CD86: variants seen among roughly 807,000 people sequenced by gnomAD.
The protein encoded by CD86 is T-lymphocyte activation antigen CD86.
CD86 carries 11 observed loss-of-function variants against 32.1 expected under a neutral mutation model. That is an observed-to-expected ratio of 0.34 (90% CI 0.22 to 0.57). The LOEUF (loss-of-function observed/expected upper bound fraction) is 0.57. Ranked by LOEUF, CD86 falls within the 20% of genes least tolerant of loss-of-function variation. CD86 has a pLI of 0.86. For missense variants in CD86, 359 were observed against 398.4 expected (o/e 0.90, Z 0.84); for synonymous variants, 137 against 135.3 (o/e 1.01, Z -0.09).
Position 122,103,843 on chromosome 3 carries a change from G to A in CD86, c.396G>A (p.Val132=). 1 of 1,611,440 alleles carries A rather than the reference G, an allele frequency of 6.2e-7. No individual in the cohort carries two copies. Among genetic ancestry groups the A allele is most frequent in the Non-Finnish European group, 8.5e-7 (1 of 1,177,978 alleles). Residue 132 remains valine, a synonymous_variant, in exon 3 of 7, where the codon GTG becomes GTA. Transcript: ENST00000330540. Reference sequence around the variant, plus strand: ...ACCAGATGAATTCTGAACTGTCAGTGCTTGGTATGTGGTCAATGGTGTGTG... The same window carrying A: ...ACCAGATGAATTCTGAACTGTCAGTACTTGGTATGTGGTCAATGGTGTGTG... ...RIHQMNSELS[V]LANFSQPEIV...
intron 5 of CD86, 70 bp downstream of exon 5, chr3:122,109,478 C>A (rs1206411263): frequency 6.4e-7 from 1 of 1,568,718 alleles, no homozygotes; most frequent in African/African-American, 1.4e-5. Flanking sequence ...GGCTGCCTTC[C>A]GGAGCTTGTT....
At chr3:122,100,567 T>C (rs1234531579) in intron 2 of CD86, among the ~76,000 whole-genome samples, 1 of 152,138 alleles carries the variant, frequency 6.6e-6, no homozygotes, top group Admixed American at 6.5e-5. Flanking sequence ...CTTAAACATA[T>C]AAGATATGCA....
chr3:122,116,163 G>A (rs577406873), intron 5 of CD86, among the ~76,000 whole-genome samples: 1 of 152,268 alleles, frequency 6.6e-6, no homozygotes, highest in Non-Finnish European at 1.5e-5. Context: ...TCATCAATAT[G>A]GAAAACTTTT....
chr3:122,096,287 A>C (rs2072906378), intron 2 of CD86, among the ~76,000 whole-genome samples: 1 of 152,146 alleles, frequency 6.6e-6, no homozygotes, highest in African/African-American at 2.4e-5. Context: ...CTTTGTGCCC[A>C]GGCTGGTCTT....
At chr3:122,055,639 A>AAAT in intron 1 of CD86, 136 bp downstream of exon 1, 1 of 800,046 alleles carries the variant, frequency 1.2e-6, no homozygotes, top group Non-Finnish European at 2.1e-6. Context: ...TCTACAAAAG[A>AAAT]TCTTTGGCAC....
At position 122,057,094 on chromosome 3, in the gene CD86, G is replaced by T. The variant is rs2072248872; in HGVS notation, c.14+1591G>T. On this transcript the variant is annotated intron_variant, in intron 1 of 6. Transcript: ENST00000330540. ...ATAAATATTAAGTTTTAAAAAGCAA[G>T]CAATCAAGAACCCTCTATCTTGCTA... 5.3e-5 allele frequency among the ~76,000 whole-genome samples: 8 copies of T among 152,270 alleles called. No individual in the cohort carries two copies. In the South Asian group the frequency reaches 1.7e-3, roughly 32 times the overall value.
chr3:122,064,200 C>T (rs2072380909), intron 1 of CD86, among the ~76,000 whole-genome samples: 1 of 151,524 alleles, frequency 6.6e-6, no homozygotes, highest in African/African-American at 2.4e-5. Context: ...GGTAGCTGCT[C>T]CTAAGGTGGG....
At chr3:122,087,502 G>A (rs368857167) in intron 1 of CD86, among the ~76,000 whole-genome samples, 12 of 152,154 alleles carry the variant, frequency 7.9e-5, no homozygotes, top group South Asian at 4.1e-4. Context: ...CCACACCCTC[G>A]CACACACACA....
chr3:122,085,407 G>T (rs143648885), intron 1 of CD86, among the ~76,000 whole-genome samples: 111 of 152,016 alleles, frequency 7.3e-4, no homozygotes, highest in South Asian at 4.6e-3. Context: ...TCTGCCCTGA[G>T]CTGCTGTTCA....
chr3:122,078,853 C>A (rs904166506), intron 1 of CD86, among the ~76,000 whole-genome samples: 6 of 152,284 alleles, frequency 3.9e-5, no homozygotes, highest in African/African-American at 1.4e-4. Flanking sequence ...TTACATGTAA[C>A]CTCAATCTTG....
chr3:122,114,510 C>T (rs1254102883), intron 5 of CD86, among the ~76,000 whole-genome samples: 1 of 152,084 alleles, frequency 6.6e-6, no homozygotes, highest in African/African-American at 2.4e-5. Context: ...CTGCCTGGAG[C>T]CAGTGTCCAG....
chr3:122,080,425 G>C (rs965922005), intron 1 of CD86, among the ~76,000 whole-genome samples: 1 of 152,144 alleles, frequency 6.6e-6, no homozygotes, highest in Non-Finnish European at 1.5e-5. Flanking sequence ...TGGGGGACCG[G>C]AAAAGCTAAA....
In CD86 at chr3:122,120,473, A is replaced by AGTCT. The variant is rs1284164012; in HGVS notation, c.*940_*943dup. The AGTCT allele has an allele frequency of 6.6e-6, 1 of 152,232 alleles. No individual in the cohort carries two copies. The highest frequency in any genetic ancestry group is 2.4e-5 in the African/African-American group (1 of 41,454). The allele number at this position is 152,232 out of a possible 1,614,324, so 9.4% of individuals were successfully genotyped here. ...GTCTGGTCTGTCCACCCCATCAACA[A>AGTCT]GTCTTGAAACAAGCAACAGATGGAT... On this transcript the variant is annotated 3_prime_UTR_variant, in exon 7 of 7. Transcript: ENST00000330540.
Position 122,106,198 on chromosome 3 carries a change from C to G in CD86, c.401C>G (p.Ala134Gly). 1 of 1,590,392 alleles carries G rather than the reference C, an allele frequency of 6.3e-7. No individual in the cohort carries two copies. The highest frequency in any genetic ancestry group is 2.2e-5 in the East Asian group (1 of 44,592). Residue 134 changes from alanine (A) to glycine (G), a missense_variant and splice_region_variant, in exon 4 of 7, where the codon GCT becomes GGT. Physicochemically the swap from Ala to Gly is moderately conservative, Grantham distance 60. Transcript: ENST00000330540. ...HQMNSELSVL[A>G]NFSQPEIVPI... ...TTTTTTATCTCTCTTCTGCTTTCAG[C>G]TAACTTCAGTCAACCTGAAATAGTA...
Position 122,059,612 on chromosome 3 carries a change from A to G in CD86, c.14+4109A>G, listed in dbSNP as rs75829536. 8.7e-4 allele frequency among the ~76,000 whole-genome samples: 132 copies of G among 152,250 alleles called. 2 individuals are homozygous for G. The highest frequency in any genetic ancestry group is 3.4e-3 in the Middle Eastern group (1 of 292). ...AGGAGAATGCATTCATGGAAAGAGC[A>G]TATTTACCAAGCTTTCCATGTTGAA... On this transcript the variant is annotated intron_variant, in intron 1 of 6. Transcript: ENST00000330540.
chr3:122,080,865 C>T (rs1467343121), intron 1 of CD86, among the ~76,000 whole-genome samples: 2 of 152,150 alleles, frequency 1.3e-5, no homozygotes. Context: ...CACCAGACAC[C>T]AAGAAGTGTT....
chr3:122,061,011 T>C (rs1345282759), intron 1 of CD86, among the ~76,000 whole-genome samples: 1 of 152,256 alleles, frequency 6.6e-6, no homozygotes, highest in African/African-American at 2.4e-5. Flanking sequence ...TTAATCTTTC[T>C]GTAGTGGCAG....
In CD86 at chr3:122,120,061, T is replaced by G. The variant is rs1360802189; in HGVS notation, c.*527T>G. ...AGATCTATGTACTGTAATAGTGTGA[T>G]TACTATGCTCTAGAGAAAAGTCTAC... is the stretch of plus-strand genomic sequence containing the variant. On this transcript the variant is annotated 3_prime_UTR_variant, in exon 7 of 7. Coordinates refer to ENST00000330540, the MANE Select transcript of CD86 (RefSeq NM_175862.5). The G allele has an allele frequency of 6.5e-6, 1 of 152,846 alleles. No homozygotes were observed. Among genetic ancestry groups the G allele is most frequent in the Non-Finnish European group, 1.5e-5 (1 of 68,616 alleles). 9.5% of individuals were successfully genotyped at this position (152,846 alleles called of 1,614,324 possible). A position where few individuals can be genotyped will look rare whatever the true frequency, so the allele number is the denominator to read the frequency against.
At chr3:122,064,946 G>A (rs1363511727) in intron 1 of CD86, among the ~76,000 whole-genome samples, 1 of 152,146 alleles carries the variant, frequency 6.6e-6, no homozygotes, top group Non-Finnish European at 1.5e-5. Flanking sequence ...ATCCTGTTTA[G>A]AAGCTTCTAT....
Sources: allele counts gnomAD v4.1 joint callset (sites outside exome capture counted in the v4.1 genomes callset), GRCh38; gene constraint gnomAD v4.1.1; transcripts MANE v1.5; gene names NCBI Gene and HGNC (gene_info 2026-07-23, HGNC 2026-07-21).